PIK3C2G: variants seen among roughly 807,000 people sequenced by gnomAD.
The protein encoded by PIK3C2G is phosphatidylinositol-4-phosphate 3-kinase catalytic subunit type 2 gamma.
PIK3C2G carries 168 observed loss-of-function variants against 181.1 expected under a neutral mutation model. The ratio of observed to expected loss-of-function variants is 0.93; its 90% CI spans 0.82 to 1.05. The LOEUF (loss-of-function observed/expected upper bound fraction) is 1.05, where lower values mean the gene tolerates loss of function less well. Ranked by LOEUF, PIK3C2G falls within the 50% of genes least tolerant of loss-of-function variation. The pLI is 0.00. For synonymous variants in PIK3C2G, 573 were observed against 592.2 expected, an observed-to-expected ratio of 0.97 and a Z score of 0.47; for missense variants, 1,869 against 1,732.8, an observed-to-expected ratio of 1.08 and a Z score of -1.40.
intron 16 of PIK3C2G, among the ~76,000 whole-genome samples, chr12:18,405,663 A>G (rs1230916002): frequency 6.6e-6 from 1 of 152,182 alleles, no homozygotes; most frequent in Non-Finnish European, 1.5e-5. Flanking sequence ...TTAAAGAAGT[A>G]TTAAATAGAA....
chr12:18,439,603 T>G (rs1232911845), intron 18 of PIK3C2G, among the ~76,000 whole-genome samples: 1 of 152,056 alleles, frequency 6.6e-6, no homozygotes, highest in Non-Finnish European at 1.5e-5. Flanking sequence ...TGGGGTAATT[T>G]CTTTTAGCAC....
intron 1 of PIK3C2G, among the ~76,000 whole-genome samples, chr12:18,264,489 T>C (rs1378436693): frequency 6.6e-6 from 1 of 152,146 alleles, no homozygotes; most frequent in Non-Finnish European, 1.5e-5. Context: ...ACATTTTTAC[T>C]TTGTTCTGCT....
At chr12:18,623,758 C>T (rs1451334826) in intron 31 of PIK3C2G, among the ~76,000 whole-genome samples, 2 of 151,560 alleles carry the variant, frequency 1.3e-5, no homozygotes, top group African/African-American at 2.4e-5. Flanking sequence ...TCTTTTGCCT[C>T]CTTTGTTAAA....
intron 30 of PIK3C2G, among the ~76,000 whole-genome samples, chr12:18,606,135 G>A (rs1352639137): frequency 6.6e-6 from 1 of 152,094 alleles, no homozygotes; most frequent in Non-Finnish European, 1.5e-5. Flanking sequence ...GGCATGTTTT[G>A]ATGGACACTT....
chr12:18,527,179 G>C (rs1943281491), intron 24 of PIK3C2G, among the ~76,000 whole-genome samples: 1 of 152,118 alleles, frequency 6.6e-6, no homozygotes, highest in African/African-American at 2.4e-5. Context: ...TGATTCCTCA[G>C]CTGGTCTAAG....
At chr12:18,297,170 A>C (rs1281185538) in intron 5 of PIK3C2G, among the ~76,000 whole-genome samples, 2 of 152,086 alleles carry the variant, frequency 1.3e-5, no homozygotes. Flanking sequence ...TCTTTTTGAC[A>C]GGGAGTAACA....
intron 18 of PIK3C2G, among the ~76,000 whole-genome samples, chr12:18,427,584 T>A (rs1193404809): frequency 6.6e-6 from 1 of 151,760 alleles, no homozygotes; most frequent in Non-Finnish European, 1.5e-5. Flanking sequence ...CTAACGATTG[T>A]TAAAATACTT....
intron 1 of PIK3C2G, among the ~76,000 whole-genome samples, chr12:18,273,532 G>A (rs112543833): frequency 0.014 from 2,088 of 152,124 alleles, 43 homozygotes; most frequent in African/African-American, 0.047. Context: ...AGCTTGATGG[G>A]GATGGCATTG....
chr12:18,711,596 G>T, the PIK3C2G span, among the ~76,000 whole-genome samples: 4 of 151,130 alleles, frequency 2.6e-5, no homozygotes, highest in Non-Finnish European at 5.9e-5. Flanking sequence ...AGAATTGACT[G>T]AGGGGACTGA....
rs140758244 is a variant in PIK3C2G, at chr12:18,521,856, G to A, written c.3324-16300G>A. 1.5e-3 allele frequency among the ~76,000 whole-genome samples: 233 copies of A among 152,350 alleles called. 2 individuals carry two copies. Among genetic ancestry groups the A allele is most frequent in the African/African-American group, 5.1e-3 (211 of 41,598 alleles). ...CCGAGTGGCTGTTGAGAATCTGTGC[G>A]GCTCCATGGTTAGGACCCTAGGCCC... On this transcript the variant is annotated intron_variant, in intron 24 of 32. Transcript: ENST00000538779.
rs1592708560 is a variant in PIK3C2G, at chr12:18,609,541, A to C, written c.4094A>C (p.Lys1365Thr). The change falls in exon 31 of 33, where the codon AAG becomes ACG. Residue 1365 changes from lysine (K) to threonine (T), a missense_variant. Transcript: ENST00000538779. ...EESSPVYLGE[K>T]FPDKKPKVQL... ...AATTCTATTCTTTTATCAGGTGAGA[A>C]GTTTCCAGACAAGAAGCCTAAGGTG... 1 of 1,572,602 alleles carries C rather than the reference A, an allele frequency of 6.4e-7. No homozygotes were observed. Among genetic ancestry groups the C allele is most frequent in the Non-Finnish European group, 8.7e-7 (1 of 1,154,414 alleles).
intron 18 of PIK3C2G, among the ~76,000 whole-genome samples, chr12:18,426,167 T>C (rs563909828): frequency 5.1e-4 from 78 of 152,266 alleles, no homozygotes; most frequent in Admixed American, 1.7e-3. Flanking sequence ...TATTTATGGG[T>C]TGTTTATTAA....
chr12:18,334,165 T>C (rs1057019347), intron 8 of PIK3C2G, among the ~76,000 whole-genome samples: 4 of 152,250 alleles, frequency 2.6e-5, no homozygotes, highest in South Asian at 2.1e-4. Context: ...TTAGAAGCAG[T>C]TTAGTCTAAA....
chr12:18,689,570 T>C, the PIK3C2G span, among the ~76,000 whole-genome samples: 1 of 152,116 alleles, frequency 6.6e-6, no homozygotes, highest in Non-Finnish European at 1.5e-5. Flanking sequence ...TTAGGGAGCA[T>C]TGATCAAATA....
At chr12:18,311,843 G>A (rs1950651423) in intron 5 of PIK3C2G, among the ~76,000 whole-genome samples, 1 of 152,050 alleles carries the variant, frequency 6.6e-6, no homozygotes, top group Non-Finnish European at 1.5e-5. Context: ...CCATCTGCAA[G>A]CTAAAGAGCA....
chr12:18,535,739 A>T (rs533357020), intron 24 of PIK3C2G, among the ~76,000 whole-genome samples: 5 of 152,242 alleles, frequency 3.3e-5, no homozygotes, highest in African/African-American at 9.6e-5. Context: ...GTTACATATA[A>T]AATTAAGATA....
chr12:18,409,317 T>A (rs929430400), intron 16 of PIK3C2G, among the ~76,000 whole-genome samples: 3 of 152,066 alleles, frequency 2.0e-5, no homozygotes, highest in Non-Finnish European at 4.4e-5. Flanking sequence ...AAACCCCAAC[T>A]GTTCTCGCTT....
chr12:18,264,708 G>C (rs1273798986), intron 1 of PIK3C2G, among the ~76,000 whole-genome samples: 1 of 151,906 alleles, frequency 6.6e-6, no homozygotes, highest in Non-Finnish European at 1.5e-5. Context: ...GAGAACAAAA[G>C]AAGAAAATCA....
chr12:18,258,592 T>C (rs1948171773), upstream of PIK3C2G, among the ~76,000 whole-genome samples: 1 of 152,026 alleles, frequency 6.6e-6, no homozygotes, highest in Admixed American at 6.6e-5. Flanking sequence ...ATCATCCATG[T>C]TGGCGCAAAT....
Sources: allele counts gnomAD v4.1 joint callset (sites outside exome capture counted in the v4.1 genomes callset), GRCh38; gene constraint gnomAD v4.1.1; transcripts MANE v1.5; gene names NCBI Gene and HGNC (gene_info 2026-07-23, HGNC 2026-07-21).